SGCZ: variants seen among roughly 807,000 people sequenced by gnomAD.
SGCZ encodes sarcoglycan zeta.
SGCZ carries 40 observed loss-of-function variants against 41.3 expected under a neutral mutation model. The ratio of observed to expected loss-of-function variants is 0.97; its 90% CI spans 0.75 to 1.26. The LOEUF (loss-of-function observed/expected upper bound fraction) is 1.26, where lower values mean the gene tolerates loss of function less well. Among genes scored for constraint, SGCZ ranks in the 50% most tolerant of loss-of-function variants. The pLI is 0.00. For synonymous variants in SGCZ, 206 were observed against 137.5 expected, an observed-to-expected ratio of 1.50 and a Z score of -3.49; for missense variants, 552 against 369.8, an observed-to-expected ratio of 1.49 and a Z score of -4.04.
At chr8:14,705,735 G>C (rs1716068297) in intron 1 of SGCZ, among the ~76,000 whole-genome samples, 1 of 152,006 alleles carries the variant, frequency 6.6e-6, no homozygotes, top group South Asian at 2.1e-4. Context: ...TTCTGAAATA[G>C]AACATAGTAA....
At chr8:14,654,945 A>G (rs1377775954) in intron 1 of SGCZ, among the ~76,000 whole-genome samples, 3 of 152,056 alleles carry the variant, frequency 2.0e-5, no homozygotes, top group Non-Finnish European at 4.4e-5. Flanking sequence ...GACTACAGGC[A>G]GGAAGCCACT....
chr8:14,815,959 A>T (rs1563289281), intron 1 of SGCZ, among the ~76,000 whole-genome samples: 1 of 152,238 alleles, frequency 6.6e-6, no homozygotes, highest in East Asian at 1.9e-4. Flanking sequence ...CATCCAATAA[A>T]AATATAATGT....
chr8:14,205,197 G>C lies in SGCZ; in HGVS notation c.424+32395C>G, dbSNP rs180670927. On this transcript the variant is annotated intron_variant, in intron 4 of 7. Transcript: ENST00000382080. ...TTTTTTTTTTTTCACTTCTTAAAGA[G>C]AATCACTCTATAAGCAGAGTACAAA... Among the ~76,000 whole-genome samples the C allele has an allele frequency of 1.1e-4, 16 of 150,902 alleles. No individual in the cohort carries two copies. The East Asian group carries it at 2.7e-3, about 26-fold the overall frequency.
At chr8:14,946,629 T>C (rs1313503101) in intron 1 of SGCZ, among the ~76,000 whole-genome samples, 1 of 151,878 alleles carries the variant, frequency 6.6e-6, no homozygotes, top group Non-Finnish European at 1.5e-5. Context: ...TTAACAGGAT[T>C]GGCACTGCTT....
chr8:14,698,720 C>T (rs908126206), intron 1 of SGCZ, among the ~76,000 whole-genome samples: 7 of 151,884 alleles, frequency 4.6e-5, no homozygotes, highest in African/African-American at 1.7e-4. Flanking sequence ...TAAATCAGCA[C>T]AAGTATGTTG....
At chr8:15,087,795 A>G (rs1806003415) in intron 1 of SGCZ, among the ~76,000 whole-genome samples, 1 of 152,176 alleles carries the variant, frequency 6.6e-6, no homozygotes, top group Non-Finnish European at 1.5e-5. Context: ...AAGTTTACTC[A>G]TAGTATGAAG....
At chr8:14,701,588 T>C (rs1341362296) in intron 1 of SGCZ, among the ~76,000 whole-genome samples, 1 of 152,024 alleles carries the variant, frequency 6.6e-6, no homozygotes, top group Non-Finnish European at 1.5e-5. Context: ...TCTACAGCAT[T>C]ATGTTTGTCA....
chr8:14,976,440 A>G (rs565086507), intron 1 of SGCZ, among the ~76,000 whole-genome samples: 1 of 152,268 alleles, frequency 6.6e-6, no homozygotes, highest in South Asian at 2.1e-4. Flanking sequence ...TAATATTACT[A>G]TCTTTAGTTA....
chr8:14,793,914 T>C (rs1456066508), intron 1 of SGCZ, among the ~76,000 whole-genome samples: 1 of 152,130 alleles, frequency 6.6e-6, no homozygotes, highest in Non-Finnish European at 1.5e-5. Flanking sequence ...TGCAAAATTC[T>C]AAAACTCTCA....
chr8:14,184,167 A>T (rs942365257), intron 4 of SGCZ, among the ~76,000 whole-genome samples: 2 of 152,022 alleles, frequency 1.3e-5, no homozygotes, highest in African/African-American at 4.8e-5. Flanking sequence ...AATTTAACAA[A>T]TTCCAGTATA....
rs74826197 is a variant in SGCZ, at chr8:14,514,073, G to A, written c.234+40659C>T. Among the ~76,000 whole-genome samples, 720 of 152,204 alleles carry A rather than the reference G, an allele frequency of 4.7e-3. 5 individuals carry two copies. The highest frequency in any genetic ancestry group is 6.1e-3 in the Non-Finnish European group (417 of 67,998). ...CACTGTAGGAGTTGCATTGGTGATA[G>A]CAGCATAGGTTAGTCCTTTGAGAAG... On this transcript the variant is annotated intron_variant, in intron 2 of 7. Transcript: ENST00000382080.
In SGCZ at chr8:14,845,379, TTTTTGTTATACAAAA is replaced by T. The variant is rs1222508064; in HGVS notation, c.40-290468_40-290454del. On this transcript the variant is annotated intron_variant, in intron 1 of 7. Transcript: ENST00000382080. ...AACTCAGTTGTATACCAAACAAAGC[TTTTTGTTATACAAAA>T]ATACAAAAAGCAGCACCCAAATAGT... 8.1e-3 allele frequency among the ~76,000 whole-genome samples: 1,231 copies of T among 152,276 alleles called. 19 individuals carry two copies. The highest frequency in any genetic ancestry group is 0.028 in the African/African-American group (1,152 of 41,556).
chr8:14,565,211 C>T (rs1284688051), intron 1 of SGCZ, among the ~76,000 whole-genome samples: 4 of 152,086 alleles, frequency 2.6e-5, no homozygotes, highest in Admixed American at 1.3e-4. Context: ...TAATTTTTTT[C>T]AGTCATTCTT....
At chr8:14,175,650 C>G (rs865912280) in intron 4 of SGCZ, among the ~76,000 whole-genome samples, 2 of 151,846 alleles carry the variant, frequency 1.3e-5, no homozygotes, top group African/African-American at 2.4e-5. Flanking sequence ...ATAAAAACAA[C>G]ATGCAATCCA....
intron 1 of SGCZ, among the ~76,000 whole-genome samples, chr8:14,634,960 A>T (rs1333436391): frequency 2.0e-5 from 3 of 151,798 alleles, no homozygotes; most frequent in Non-Finnish European, 2.9e-5. Context: ...TAATTGATGC[A>T]TTATGATATT....
At chr8:14,768,941 G>T (rs1423889194) in intron 1 of SGCZ, among the ~76,000 whole-genome samples, 1 of 151,924 alleles carries the variant, frequency 6.6e-6, no homozygotes. Flanking sequence ...CAGCATTATA[G>T]ATCTTAAATC....
intron 5 of SGCZ, among the ~76,000 whole-genome samples, chr8:14,163,407 T>A (rs1385223073): frequency 6.6e-6 from 1 of 152,192 alleles, no homozygotes; most frequent in East Asian, 1.9e-4. Flanking sequence ...CACTTATAAA[T>A]GAGAACATGT....
At chr8:14,906,840 T>G (rs1230345430) in intron 1 of SGCZ, among the ~76,000 whole-genome samples, 1 of 152,230 alleles carries the variant, frequency 6.6e-6, no homozygotes, top group East Asian at 1.9e-4. Flanking sequence ...AGAAATCATT[T>G]CTTTCTAAGG....
At chr8:14,462,918 G>C (rs1039886496) in intron 2 of SGCZ, among the ~76,000 whole-genome samples, 2 of 151,114 alleles carry the variant, frequency 1.3e-5, no homozygotes, top group African/African-American at 4.9e-5. Flanking sequence ...CACCTCCTTG[G>C]TTAATTTCTA....
Sources: allele counts gnomAD v4.1 joint callset (sites outside exome capture counted in the v4.1 genomes callset), GRCh38; gene constraint gnomAD v4.1.1; transcripts MANE v1.5; gene names NCBI Gene and HGNC (gene_info 2026-07-23, HGNC 2026-07-21).